The following GRID2 variants were observed in gnomAD, a reference collection of about 807,000 sequenced individuals.
GRID2 encodes glutamate receptor ionotropic, delta-2.
In GRID2, 33 loss-of-function variants were observed where a neutral mutation model predicts 114.8. That is an observed-to-expected ratio of 0.29 (90% CI 0.22 to 0.38). GRID2 has a LOEUF of 0.38. Among genes scored for constraint, GRID2 ranks in the 10% least tolerant of loss-of-function variants. The pLI is 1.00. For synonymous variants in GRID2, 505 were observed against 449.9 expected (o/e 1.12, Z -1.55); for missense variants, 1,184 against 1,257.7 (o/e 0.94, Z 0.89).
chr4:92,556,262 T>A (rs1273406400), intron 1 of GRID2, among the ~76,000 whole-genome samples: 1 of 152,114 alleles, frequency 6.6e-6, no homozygotes, highest in African/African-American at 2.4e-5. Context: ...TTTATATCCT[T>A]CTTTGTATGG....
At chr4:93,571,370 C>G (rs1050264179) in intron 13 of GRID2, among the ~76,000 whole-genome samples, 19 of 151,974 alleles carry the variant, frequency 1.3e-4, no homozygotes, top group Admixed American at 6.6e-4. Context: ...TATAATTGTG[C>G]ATATTATTAC....
chr4:93,753,774 G>A lies in GRID2; in HGVS notation c.2361-15436G>A, dbSNP rs530554119. Among the ~76,000 whole-genome samples, 27 of 152,248 alleles carry A rather than the reference G, an allele frequency of 1.8e-4. 2 individuals carry two copies. In the South Asian group the frequency reaches 5.2e-3, roughly 29 times the overall value. ...ACATTTGGGTTGGTTCCAAGTCTTT[G>A]CTATCGTGAATAGTGCCAATATATG... On this transcript the variant is annotated intron_variant, in intron 14 of 15. Transcript: ENST00000282020.
chr4:92,557,878 TA>T (rs1257740759), intron 1 of GRID2, among the ~76,000 whole-genome samples: 1 of 152,102 alleles, frequency 6.6e-6, no homozygotes, highest in Non-Finnish European at 1.5e-5. Context: ...TACTACACTT[TA>T]AAAAACTTTT....
At chr4:92,771,735 A>T (rs1409992332) in intron 2 of GRID2, among the ~76,000 whole-genome samples, 2 of 152,308 alleles carry the variant, frequency 1.3e-5, no homozygotes, top group Middle Eastern at 3.4e-3. Flanking sequence ...GGTAGGGTTG[A>T]TGAAACAGAT....
intron 8 of GRID2, among the ~76,000 whole-genome samples, chr4:93,387,054 C>G (rs978440616): frequency 6.6e-6 from 1 of 152,126 alleles, no homozygotes; most frequent in Non-Finnish European, 1.5e-5. Context: ...CAGGCAAAGC[C>G]TTTGTATTGC....
chr4:92,814,913 C>A lies in GRID2; in HGVS notation c.244+224627C>A, dbSNP rs1031699486. On this transcript the variant is annotated intron_variant, in intron 2 of 15. Coordinates refer to ENST00000282020, the MANE Select transcript of GRID2 (RefSeq NM_001510.4). ...AGAGAAACCTTTCTCCCTCTAGTGT[C>A]CCCCCAATGTCATGTACTGACAGAG... Among the ~76,000 whole-genome samples the A allele has an allele frequency of 2.6e-5, 4 of 151,962 alleles. No homozygotes were observed. In the East Asian group the frequency reaches 7.8e-4, roughly 30 times the overall value.
intron 2 of GRID2, among the ~76,000 whole-genome samples, chr4:93,044,995 C>A (rs1406435037): frequency 6.6e-6 from 1 of 151,948 alleles, no homozygotes; most frequent in African/African-American, 2.4e-5. Context: ...TAGTGCACTC[C>A]CTTATAGTTA....
intron 8 of GRID2, among the ~76,000 whole-genome samples, chr4:93,386,950 C>T (rs2149317047): frequency 6.6e-6 from 1 of 152,236 alleles, no homozygotes; most frequent in East Asian, 1.9e-4. Context: ...GGCCAGGGGT[C>T]CTAAGTCCTT....
chr4:92,497,356 C>G (rs1341712473), intron 1 of GRID2, among the ~76,000 whole-genome samples: 2 of 151,624 alleles, frequency 1.3e-5, no homozygotes, highest in Non-Finnish European at 3.0e-5. Context: ...TGTGTGTATC[C>G]TATTTAGTTT....
At chr4:92,658,808 TATATATATATACACAC>T (rs1732376760) in intron 2 of GRID2, among the ~76,000 whole-genome samples, 1 of 131,650 alleles carries the variant, frequency 7.6e-6, no homozygotes. Flanking sequence ...TATATATATA[TATATATATATACACAC>T]ACACAATCAC....
intron 1 of GRID2, among the ~76,000 whole-genome samples, chr4:92,524,111 C>T (rs909715174): frequency 1.3e-5 from 2 of 151,878 alleles, no homozygotes; most frequent in South Asian, 2.1e-4. Context: ...TTTTTGACCA[C>T]GAACTTTTTG....
intron 2 of GRID2, among the ~76,000 whole-genome samples, chr4:93,049,543 A>G (rs1726494396): frequency 6.6e-6 from 1 of 151,868 alleles, no homozygotes; most frequent in African/African-American, 2.4e-5. Context: ...CATTAACACA[A>G]ACTTTAGGCC....
chr4:93,580,566 C>A (rs1736873007), intron 13 of GRID2, among the ~76,000 whole-genome samples: 1 of 152,050 alleles, frequency 6.6e-6, no homozygotes, highest in African/African-American at 2.4e-5. Flanking sequence ...TTTTGTTGCA[C>A]CAGGCATGAA....
intron 1 of GRID2, among the ~76,000 whole-genome samples, chr4:93,796,274 T>C (rs948776314): frequency 2.0e-5 from 3 of 151,578 alleles, no homozygotes; most frequent in African/African-American, 7.3e-5. Flanking sequence ...GATACTCCAC[T>C]AGAGTCACAA....
chr4:93,075,881 C>CTT, intron 2 of GRID2, among the ~76,000 whole-genome samples: 1 of 108,228 alleles, frequency 9.2e-6, no homozygotes, highest in South Asian at 3.1e-4. Context: ...GAAGTTACCT[C>CTT]TCTTTTTTTT....
At chr4:93,526,928 AAAAAT>A (rs1486526201) in intron 13 of GRID2, among the ~76,000 whole-genome samples, 1 of 152,226 alleles carries the variant, frequency 6.6e-6, no homozygotes, top group East Asian at 1.9e-4. Context: ...TGACTTTTTA[AAAAAT>A]AAAATGTTTT....
At chr4:92,314,876 ATT>A (rs1725886810) in intron 1 of GRID2, among the ~76,000 whole-genome samples, 1 of 152,188 alleles carries the variant, frequency 6.6e-6, no homozygotes. Flanking sequence ...AAAGTTTATC[ATT>A]GCAGCATAGA....
At chr4:92,911,793 A>G (rs1328257484) in intron 2 of GRID2, among the ~76,000 whole-genome samples, 3 of 151,616 alleles carry the variant, frequency 2.0e-5, no homozygotes, top group Admixed American at 6.6e-5. Context: ...TTTTTTTACA[A>G]GAACAATTTT....
intron 1 of GRID2, among the ~76,000 whole-genome samples, chr4:92,553,319 T>C (rs1242972314): frequency 6.6e-6 from 1 of 152,176 alleles, no homozygotes; most frequent in Non-Finnish European, 1.5e-5. Flanking sequence ...AATCTGTCTT[T>C]GATAGCATAG....
Sources: allele counts gnomAD v4.1 joint callset (sites outside exome capture counted in the v4.1 genomes callset), GRCh38; gene constraint gnomAD v4.1.1; transcripts MANE v1.5; gene names NCBI Gene and HGNC (gene_info 2026-07-23, HGNC 2026-07-21).